The following ADAMTS17 variants were observed in gnomAD, a reference collection of about 807,000 sequenced individuals.
The protein encoded by ADAMTS17 is A disintegrin and metalloproteinase with thrombospondin motifs 17.
Under a neutral mutation model 141.5 loss-of-function variants are expected in ADAMTS17, and 113 were observed. The ratio of observed to expected loss-of-function variants is 0.80; its 90% confidence interval spans 0.69 to 0.93. The LOEUF is 0.93. Among genes scored for constraint, ADAMTS17 ranks in the 40% least tolerant of loss-of-function variants. The pLI is 0.00. For synonymous variants in ADAMTS17, 768 were observed against 630.6 expected (o/e 1.22, Z -3.27); for missense variants, 1,659 against 1,517.9 (o/e 1.09, Z -1.54).
intron 10 of ADAMTS17, among the ~76,000 whole-genome samples, chr15:100,135,930 G>A (rs1419811395): frequency 3.3e-5 from 5 of 152,164 alleles, no homozygotes; most frequent in East Asian, 3.8e-4. Context: ...GGAGAGCACC[G>A]CTCATTGGGA....
At chr15:100,240,509 C>T (rs190946840) in intron 7 of ADAMTS17, among the ~76,000 whole-genome samples, 5 of 152,186 alleles carry the variant, frequency 3.3e-5, no homozygotes, top group Non-Finnish European at 7.3e-5. Flanking sequence ...GGTGCTCCCC[C>T]CTCACTCCTC....
At chr15:100,023,161 T>C (rs1422639516) in intron 18 of ADAMTS17, among the ~76,000 whole-genome samples, 4 of 152,188 alleles carry the variant, frequency 2.6e-5, no homozygotes, top group Admixed American at 2.6e-4. Flanking sequence ...TGTGTGATGT[T>C]TTCCCTTGTC....
intron 3 of ADAMTS17, among the ~76,000 whole-genome samples, chr15:100,285,489 G>C (rs1244065753): frequency 2.0e-5 from 3 of 152,176 alleles, no homozygotes; most frequent in Non-Finnish European, 4.4e-5. Flanking sequence ...ACAATACGTA[G>C]ATCAAAAAAT....
At chr15:100,081,903 T>C (rs1567141406) in intron 15 of ADAMTS17, among the ~76,000 whole-genome samples, 1 of 152,252 alleles carries the variant, frequency 6.6e-6, no homozygotes, top group Non-Finnish European at 1.5e-5. Context: ...CCCATTTTTC[T>C]ACCATCTTTT....
chr15:100,218,508 G>C (rs11638763), intron 7 of ADAMTS17, among the ~76,000 whole-genome samples: 21,949 of 152,098 alleles, frequency 0.14, 1,788 homozygotes, highest in East Asian at 0.29. Context: ...TTAGAGAAAG[G>C]CAAATCAAAA....
At chr15:100,238,789 C>T (rs757698352) in intron 7 of ADAMTS17, among the ~76,000 whole-genome samples, 2 of 152,072 alleles carry the variant, frequency 1.3e-5, no homozygotes, top group East Asian at 1.9e-4. Flanking sequence ...AAAATGCTAT[C>T]GAAAAGCGAG....
At chr15:100,250,436 T>TTCC (rs1358324374) in intron 7 of ADAMTS17, among the ~76,000 whole-genome samples, 6 of 152,296 alleles carry the variant, frequency 3.9e-5, no homozygotes, top group African/African-American at 1.4e-4. Context: ...ATGACTCAGA[T>TTCC]TATTTTTCCA....
intron 8 of ADAMTS17, among the ~76,000 whole-genome samples, chr15:100,177,828 T>C (rs535606448): frequency 1.2e-3 from 180 of 152,300 alleles, no homozygotes; most frequent in African/African-American, 4.3e-3. Context: ...TCATGTATTT[T>C]GAATCTCTTT....
chr15:100,075,271 T>A (rs2034287696), intron 15 of ADAMTS17, among the ~76,000 whole-genome samples: 1 of 152,228 alleles, frequency 6.6e-6, no homozygotes, highest in African/African-American at 2.4e-5. Context: ...TTAGTTTTCA[T>A]CCTAAAAAGG....
At chr15:100,254,829 C>T (rs1262816090) in intron 6 of ADAMTS17, among the ~76,000 whole-genome samples, 1 of 152,188 alleles carries the variant, frequency 6.6e-6, no homozygotes, top group African/African-American at 2.4e-5. Flanking sequence ...GAACAACACA[C>T]ACCAGGGCCA....
In ADAMTS17 at chr15:100,341,902, TA is replaced by T. The variant is rs1405980550; in HGVS notation, c.-4del. 8 of 1,547,496 alleles carry T rather than the reference TA, an allele frequency of 5.2e-6. 1 individual carries two copies. The highest frequency in any genetic ancestry group is 7.0e-6 in the Non-Finnish European group (8 of 1,146,676). On this transcript the variant is annotated 5_prime_UTR_variant, in exon 1 of 22. Transcript: ENST00000268070. ...GGCAGCAGGGCGCCGTCACACATGG[TA>T]CCCGGGACCGGCAGCCCCCCCGGAC...
chr15:100,341,122 C>G lies in ADAMTS17; in HGVS notation c.367G>C (p.Glu123Gln). The G allele has an allele frequency of 6.9e-7, 1 of 1,441,662 alleles. No homozygotes were observed. The highest frequency in any genetic ancestry group is 9.0e-7 in the Non-Finnish European group (1 of 1,106,248). The allele number at this position is 1,441,662 out of a possible 1,614,324, so 89.3% of individuals were successfully genotyped here. A position where few individuals can be genotyped will look rare whatever the true frequency, so the allele number is the denominator to read the frequency against. The change falls in exon 2 of 22, where the codon GAG becomes CAG. Residue 123 changes from glutamate (E) to glutamine (Q), a missense_variant. Physicochemically the swap from Glu to Gln is conservative, Grantham distance 29. Coordinates refer to ENST00000268070, the MANE Select transcript of ADAMTS17 (RefSeq NM_139057.4). ...ACACGGCCCGAGTAGAAGCACAGCT[C>G]GGCGGGGCGGCCGCGGCGCCGGGCC... ...GAARRRGRPA[E>Q]LCFYSGRVLG... is the part of the protein sequence containing the mutation.
intron 20 of ADAMTS17, among the ~76,000 whole-genome samples, chr15:99,978,038 C>T (rs948812388): frequency 6.6e-6 from 1 of 152,188 alleles, no homozygotes; most frequent in African/African-American, 2.4e-5. Flanking sequence ...TGGGCGCAGC[C>T]TTGTTCTCTG....
At chr15:100,009,592 A>G (rs2061116948) in intron 18 of ADAMTS17, among the ~76,000 whole-genome samples, 2 of 152,058 alleles carry the variant, frequency 1.3e-5, no homozygotes, top group South Asian at 4.2e-4. Context: ...GGTGACCTCT[A>G]CCGAGCACTC....
intron 2 of ADAMTS17, among the ~76,000 whole-genome samples, chr15:100,338,244 T>A (rs2046263449): frequency 6.6e-6 from 1 of 152,124 alleles, no homozygotes; most frequent in African/African-American, 2.4e-5. Context: ...GGTGCTTTAC[T>A]CTCCATGGCC....
At chr15:100,036,776 T>C (rs1204266764) in intron 18 of ADAMTS17, among the ~76,000 whole-genome samples, 1 of 152,202 alleles carries the variant, frequency 6.6e-6, no homozygotes, top group Non-Finnish European at 1.5e-5. Flanking sequence ...CCCACCCATC[T>C]ACCTTCCATC....
intron 14 of ADAMTS17, among the ~76,000 whole-genome samples, chr15:100,101,249 C>A (rs71405360): frequency 6.7e-6 from 1 of 148,410 alleles, no homozygotes; most frequent in African/African-American, 2.6e-5. Flanking sequence ...CACAGTCCCC[C>A]GCTGGGTCTC....
At chr15:100,244,524 T>C (rs1040476412) in intron 7 of ADAMTS17, among the ~76,000 whole-genome samples, 4 of 151,840 alleles carry the variant, frequency 2.6e-5, no homozygotes, top group African/African-American at 4.8e-5. Context: ...TTTCCTGTGC[T>C]GTTCTGGTGA....
intron 7 of ADAMTS17, among the ~76,000 whole-genome samples, chr15:100,223,724 GTATATATACACATGTATGTGTATATA>G (rs1251810130): frequency 1.3e-5 from 2 of 150,192 alleles, no homozygotes; most frequent in South Asian, 2.1e-4. Context: ...TACATATAGT[GTATATATACACATGTATGTGTATATA>G]TATATACACA....
Sources: gnomAD v4.1 joint callset for allele counts (sites outside exome capture counted in the v4.1 genomes callset) on GRCh38, gnomAD v4.1.1 for gene constraint, MANE v1.5 for transcripts, NCBI Gene and HGNC (gene_info 2026-07-23, HGNC 2026-07-21) for gene names.